HTR4: variants seen among roughly 807,000 people sequenced by gnomAD.
HTR4 encodes 5-hydroxytryptamine receptor 4.
A neutral mutation model predicts 36.8 loss-of-function variants in HTR4; 16 were observed. The observed-to-expected ratio is 0.43, with a 90% CI of 0.29 to 0.66. HTR4 has a LOEUF of 0.66. Among genes scored for constraint, HTR4 ranks in the 30% least tolerant of loss-of-function variants. The pLI is 0.13. For missense variants in HTR4, 438 were observed against 490.9 expected (o/e 0.89, Z 1.02); for synonymous variants, 189 against 185.1 (o/e 1.02, Z -0.17).
At chr5:148,466,644 C>T (rs1416567247) in intron 5 of HTR4, among the ~76,000 whole-genome samples, 1 of 150,602 alleles carries the variant, frequency 6.6e-6, no homozygotes, top group Non-Finnish European at 1.5e-5. Context: ...GTTCAGTTTC[C>T]ACATCTACAC....
chr5:148,622,943 C>T (rs1415591822), intron 2 of HTR4, among the ~76,000 whole-genome samples: 1 of 151,996 alleles, frequency 6.6e-6, no homozygotes, highest in Non-Finnish European at 1.5e-5. Flanking sequence ...ATTTGTAAAG[C>T]AAAATGGAAA....
At chr5:148,511,803 C>T (rs796819594) in intron 5 of HTR4, among the ~76,000 whole-genome samples, 16 of 152,176 alleles carry the variant, frequency 1.1e-4, no homozygotes, top group African/African-American at 3.4e-4. Context: ...TCCACATGCT[C>T]GCCAACATTT....
intron 5 of HTR4, among the ~76,000 whole-genome samples, chr5:148,520,734 C>T (rs1757972643): frequency 6.6e-6 from 1 of 152,160 alleles, no homozygotes; most frequent in African/African-American, 2.4e-5. Flanking sequence ...ATTCACTGGC[C>T]ATTATTATTC....
chr5:148,537,472 G>A (rs1024616367), intron 4 of HTR4, among the ~76,000 whole-genome samples: 1 of 151,798 alleles, frequency 6.6e-6, no homozygotes, highest in Non-Finnish European at 1.5e-5. Flanking sequence ...AAAACATGAA[G>A]AAGATAGATA....
chr5:148,556,434 G>A (rs562601364), intron 2 of HTR4, among the ~76,000 whole-genome samples: 127 of 152,234 alleles, frequency 8.3e-4, no homozygotes, highest in African/African-American at 2.8e-3. Flanking sequence ...TGGATCAATT[G>A]AGAAAGTTAG....
intron 2 of HTR4, among the ~76,000 whole-genome samples, chr5:148,606,213 G>A (rs893232576): frequency 2.6e-5 from 4 of 152,120 alleles, no homozygotes; most frequent in Non-Finnish European, 5.9e-5. Context: ...GATAGGGAAT[G>A]AGGACATTAT....
At chr5:148,528,415 G>A (rs1389526316) in intron 4 of HTR4, among the ~76,000 whole-genome samples, 2 of 152,044 alleles carry the variant, frequency 1.3e-5, no homozygotes, top group Non-Finnish European at 2.9e-5. Context: ...TGGCACCTTT[G>A]AGGCAGCAGC....
chr5:148,635,590 A>T (rs1753505047), intron 2 of HTR4, among the ~76,000 whole-genome samples: 1 of 152,198 alleles, frequency 6.6e-6, no homozygotes, highest in South Asian at 2.1e-4. Context: ...GAAATGTTAC[A>T]GCTCATAATA....
chr5:148,616,833 A>G (rs1752710310), intron 2 of HTR4, among the ~76,000 whole-genome samples: 2 of 152,152 alleles, frequency 1.3e-5, no homozygotes, highest in African/African-American at 2.4e-5. Flanking sequence ...AATAGCCAAC[A>G]TAGTTTTTAA....
At position 148,547,436 on chromosome 5, in the gene HTR4, G is replaced by T. The variant is rs111423287; in HGVS notation, c.353+1232C>A. Among the ~76,000 whole-genome samples the T allele has an allele frequency of 3.8e-3, 582 of 151,818 alleles. 1 individual carries two copies. The highest frequency in any genetic ancestry group is 0.014 in the African/African-American group (559 of 41,384). On this transcript the variant is annotated intron_variant, in intron 4 of 6. Transcript: ENST00000377888. ...CAGGAGGCTGAGGCAGGAGAATGGC[G>T]AGAACCCGGGAGGTGGAGCTTGCAG...
At chr5:148,584,205 A>C (rs1489160637) in intron 2 of HTR4, among the ~76,000 whole-genome samples, 1 of 152,236 alleles carries the variant, frequency 6.6e-6, no homozygotes, top group South Asian at 2.1e-4. Context: ...GGTTAGCAAA[A>C]CCTTCTAAGA....
intron 6 of HTR4, among the ~76,000 whole-genome samples, chr5:148,503,349 G>A (rs1040551436): frequency 1.3e-5 from 2 of 152,070 alleles, no homozygotes; most frequent in South Asian, 2.1e-4. Flanking sequence ...AACATTCTTA[G>A]AGAAAAGAAT....
At chr5:148,652,107 T>A (rs1401815899) in intron 1 of HTR4, among the ~76,000 whole-genome samples, 1 of 152,220 alleles carries the variant, frequency 6.6e-6, no homozygotes, top group Non-Finnish European at 1.5e-5. Context: ...GGTGTTCAAT[T>A]CATGTATTTG....
intron 2 of HTR4, among the ~76,000 whole-genome samples, chr5:148,621,946 C>A (rs1017324496): frequency 4.6e-5 from 7 of 152,196 alleles, no homozygotes; most frequent in Non-Finnish European, 8.8e-5. Context: ...GTCATTCTTG[C>A]TGCTTATTTG....
At chr5:148,480,971 T>C (rs934320234), downstream of HTR4, among the ~76,000 whole-genome samples, 3 of 152,220 alleles carry the variant, frequency 2.0e-5, no homozygotes, top group Non-Finnish European at 4.4e-5. Context: ...GCAAGAGAGA[T>C]TCTCTCTGAG....
intron 5 of HTR4, among the ~76,000 whole-genome samples, chr5:148,469,344 C>A (rs1216498882): frequency 1.3e-5 from 2 of 152,208 alleles, no homozygotes; most frequent in South Asian, 2.1e-4. Flanking sequence ...CCACTGTGAT[C>A]TTAACTTTGT....
At chr5:148,487,771 G>GA (rs1204555408) in intron 6 of HTR4, among the ~76,000 whole-genome samples, 1 of 150,688 alleles carries the variant, frequency 6.6e-6, no homozygotes, top group African/African-American at 2.4e-5. Context: ...TAGAGAGAGC[G>GA]AGCTTAGAGA....
intron 5 of HTR4, among the ~76,000 whole-genome samples, chr5:148,451,672 TG>T (rs1224975715): frequency 6.6e-6 from 1 of 152,196 alleles, no homozygotes; most frequent in Non-Finnish European, 1.5e-5. Context: ...GGGTTCTGAC[TG>T]CTGATTGAGA....
At chr5:148,552,985 G>A (rs1278554264) in intron 2 of HTR4, among the ~76,000 whole-genome samples, 1 of 152,160 alleles carries the variant, frequency 6.6e-6, no homozygotes, top group Non-Finnish European at 1.5e-5. Context: ...GAGAAAAGAA[G>A]GCCCAGAGAT....
Sources: gnomAD v4.1 joint callset for allele counts (sites outside exome capture counted in the v4.1 genomes callset) on GRCh38, gnomAD v4.1.1 for gene constraint, MANE v1.5 for transcripts, NCBI Gene and HGNC (gene_info 2026-07-23, HGNC 2026-07-21) for gene names.